Variants in SIM2 observed in about 807,000 individuals in gnomAD.
The protein encoded by SIM2 is SIM bHLH transcription factor 2.
SIM2 carries 28 observed loss-of-function variants against 64.8 expected under a neutral mutation model. The observed-to-expected ratio is 0.43, with a 90% confidence interval of 0.32 to 0.59. SIM2 has a LOEUF of 0.59. Ranked by LOEUF, SIM2 falls within the 20% of genes least tolerant of loss-of-function variation. SIM2 has a pLI of 0.07. For missense variants in SIM2, 847 were observed against 871.4 expected (o/e 0.97, Z 0.35); for synonymous variants, 408 against 391.1 (o/e 1.04, Z -0.51).
chr21:36,740,097 T>A (rs536483430), intron 7 of SIM2, among the ~76,000 whole-genome samples: 1 of 150,828 alleles, frequency 6.6e-6, no homozygotes, highest in East Asian at 1.9e-4. Flanking sequence ...CGGTGTCACC[T>A]GTTGGCCTTT....
chr21:36,745,795 G>A lies in SIM2; in HGVS notation c.1576+659G>A, dbSNP rs1219700719. On this transcript the variant is annotated intron_variant, in intron 10 of 10. Coordinates refer to ENST00000290399, the MANE Select transcript of SIM2 (RefSeq NM_005069.6). This position sits in a 1 kb window ranked among gnomAD's most constrained non-coding sequence, Gnocchi z 4.8. The stretch of plus-strand genomic sequence containing the variant: ...GCCTTTCACCTTCTCCTGGTGGCAG[G>A]CAAGCAGATGTCCTCTGCGGAGATA... 3.8e-6 allele frequency: 5 copies of A among 1,303,596 alleles called. No homozygotes were observed. Among genetic ancestry groups the A allele is most frequent in the Non-Finnish European group, 5.1e-6 (5 of 988,460 alleles). The allele number at this position is 1,303,596 out of a possible 1,614,324, so 80.8% of individuals were successfully genotyped here. A position where few individuals can be genotyped will look rare whatever the true frequency, so the allele number is the denominator to read the frequency against.
At position 36,731,161 on chromosome 21, in the gene SIM2, A is replaced by T; in HGVS notation, c.850+10A>T. On this transcript the variant is annotated intron_variant, in intron 7 of 10. Coordinates refer to ENST00000290399, the MANE Select transcript of SIM2 (RefSeq NM_005069.6). Reference sequence around the variant, plus strand: ...TACGCACACCACCTCCGTGAGTAGCACGCCCACCCCAGCCACGGGAGGTAG... The same window carrying T: ...TACGCACACCACCTCCGTGAGTAGCTCGCCCACCCCAGCCACGGGAGGTAG... 1.2e-6 allele frequency: 2 copies of T among 1,606,426 alleles called. No homozygotes were observed. The highest frequency in any genetic ancestry group is 3.3e-5 in the Admixed American group (2 of 59,986).
At chr21:36,701,582 G>C (rs1026861461) in intron 1 of SIM2, 3 of 152,402 alleles carry the variant, frequency 2.0e-5, no homozygotes, top group South Asian at 4.1e-4. Flanking sequence ...CTCTCCTCTC[G>C]GGCGCAGCGG....
At chr21:36,715,310 T>C (rs2088732289) in intron 3 of SIM2, among the ~76,000 whole-genome samples, 1 of 152,210 alleles carries the variant, frequency 6.6e-6, no homozygotes, top group Admixed American at 6.5e-5. Flanking sequence ...TTTACTTAAA[T>C]AGTAAAATAA....
At chr21:36,712,499 A>AATG (rs747029310) in intron 2 of SIM2, 34 bp from the exon 3 acceptor site, 1 of 1,402,614 alleles carries the variant, frequency 7.1e-7, no homozygotes. Flanking sequence ...ATGTAGAATG[A>AATG]TCATCTCTTA....
chr21:36,747,714 C>A lies in SIM2; in HGVS notation c.1626C>A (p.Ser542Arg). The A allele has an allele frequency of 2.3e-6, 3 of 1,278,160 alleles. No individual in the cohort carries two copies. The highest frequency in any genetic ancestry group is 1.6e-5 in the African/African-American group (1 of 64,434). The allele number at this position is 1,278,160 out of a possible 1,614,324, so 79.2% of individuals were successfully genotyped here. A position where few individuals can be genotyped will look rare whatever the true frequency, so the allele number is the denominator to read the frequency against. The change falls in exon 11 of 11, where the codon AGC (serine) becomes AGA (arginine). Residue 542 changes from serine (S) to arginine (R), a missense_variant. Ser to Arg is a moderately radical substitution (Grantham distance 110). This residue lies in a region of SIM2 where 447 missense variants were observed against 414.6 expected (regional missense o/e 1.08). Transcript: ENST00000290399. The surrounding 1 kb of genome is among the most constrained non-coding windows in gnomAD (Gnocchi z 4.5). ...RRFGEDTAPPSFPSCGHYREE... is the reference protein window; with the variant it reads ...RRFGEDTAPPRFPSCGHYREE... ...TCGGCGAGGACACCGCGCCCCCGAG[C>A]TTCCCGAGCTGCGGCCACTACCGCG...
At chr21:36,735,870 T>C (rs1180278043) in intron 7 of SIM2, among the ~76,000 whole-genome samples, 1 of 152,106 alleles carries the variant, frequency 6.6e-6, no homozygotes, top group Non-Finnish European at 1.5e-5. Flanking sequence ...AAATGGGACT[T>C]GTTAGTCCTG....
chr21:36,737,730 C>A (rs571831095), intron 7 of SIM2, among the ~76,000 whole-genome samples: 3 of 152,190 alleles, frequency 2.0e-5, no homozygotes, highest in Non-Finnish European at 4.4e-5. Context: ...GAGGCCAAGG[C>A]GGGCGGGTCA....
chr21:36,727,631 A>T (rs1437223031), intron 6 of SIM2, among the ~76,000 whole-genome samples: 1 of 152,220 alleles, frequency 6.6e-6, no homozygotes, highest in Non-Finnish European at 1.5e-5. Flanking sequence ...CTTGGCAGGT[A>T]GGTTCCTCAG....
intron 4 of SIM2, among the ~76,000 whole-genome samples, chr21:36,721,509 G>A (rs777151351): frequency 4.6e-4 from 69 of 151,248 alleles, no homozygotes; most frequent in Non-Finnish European, 9.3e-4. Context: ...GTGTGATCTC[G>A]GCTCACTGCA....
chr21:36,722,995 G>C (rs2088843811), intron 4 of SIM2, 50 bp from the exon 5 acceptor site: 1 of 1,430,346 alleles, frequency 7.0e-7, no homozygotes, highest in African/African-American at 1.4e-5. Context: ...AATAAGGATG[G>C]GGGAAGCACG....
chr21:36,731,802 A>T (rs1237293807), intron 7 of SIM2, among the ~76,000 whole-genome samples: 1 of 152,202 alleles, frequency 6.6e-6, no homozygotes, highest in Non-Finnish European at 1.5e-5. Context: ...GCGGTTTGGG[A>T]ACATCAGGAT....
chr21:36,701,078 T>C (rs950491670), intron 1 of SIM2, among the ~76,000 whole-genome samples: 9 of 152,186 alleles, frequency 5.9e-5, no homozygotes, highest in African/African-American at 2.2e-4. Context: ...CGCTGCGGCC[T>C]GGCCCGAAGG....
chr21:36,738,920 C>A (rs971498958), intron 7 of SIM2, among the ~76,000 whole-genome samples: 1 of 152,204 alleles, frequency 6.6e-6, no homozygotes, highest in Non-Finnish European at 1.5e-5. Context: ...GGAGAGACCC[C>A]TCTCCAGCCG....
intron 6 of SIM2, among the ~76,000 whole-genome samples, chr21:36,729,304 T>C (rs1237937781): frequency 6.6e-6 from 1 of 152,114 alleles, no homozygotes; most frequent in Non-Finnish European, 1.5e-5. Context: ...CTGATGGGGC[T>C]TGAAGTTCTA....
At chr21:36,721,607 A>T (rs1036183170) in intron 4 of SIM2, among the ~76,000 whole-genome samples, 4 of 151,774 alleles carry the variant, frequency 2.6e-5, no homozygotes, top group Admixed American at 6.6e-5. Context: ...CGCCTGGCTA[A>T]TTTTTTTGTA....
intron 7 of SIM2, among the ~76,000 whole-genome samples, chr21:36,732,764 G>A (rs1285993274): frequency 6.6e-6 from 1 of 152,196 alleles, no homozygotes; most frequent in Non-Finnish European, 1.5e-5. Flanking sequence ...CTTCTCCGTC[G>A]GTGTCACTAA....
chr21:36,742,493 A>T (rs2089175432), intron 8 of SIM2, among the ~76,000 whole-genome samples: 1 of 151,384 alleles, frequency 6.6e-6, no homozygotes, highest in Non-Finnish European at 1.5e-5. Flanking sequence ...CCTGGCTTCA[A>T]GTGATCCTCC....
intron 3 of SIM2, 96 bp downstream of exon 3, chr21:36,712,718 GTGTT>G: frequency 1.2e-6 from 1 of 808,858 alleles, no homozygotes; most frequent in Non-Finnish European, 2.1e-6. Context: ...GTCTGTTTAA[GTGTT>G]TGCTTTTGTG....
Sources: allele counts gnomAD v4.1 joint callset (sites outside exome capture counted in the v4.1 genomes callset), GRCh38; gene constraint gnomAD v4.1.1; regional missense constraint gnomAD v4.1.1; non-coding constraint Gnocchi (gnomAD v3.1); transcripts MANE v1.5; gene names NCBI Gene and HGNC (gene_info 2026-07-23, HGNC 2026-07-21).